The following DLC1 variants were observed in gnomAD, a reference collection of about 807,000 sequenced individuals.
DLC1 encodes the protein DLC1 Rho GTPase activating protein, also known as rho GTPase-activating protein 7.
In DLC1, 54 loss-of-function variants were observed where a neutral mutation model predicts 140.3. The ratio of observed to expected loss-of-function variants is 0.38; its 90% CI spans 0.31 to 0.48. The LOEUF is 0.48. Among genes scored for constraint, DLC1 ranks in the 20% least tolerant of loss-of-function variants. The probability of loss-of-function intolerance (pLI) is 0.96; values close to 1 mark genes in which losing one functional copy is unlikely to be tolerated. For missense variants in DLC1, 2,536 were observed against 1,907.0 expected (o/e 1.33, Z -6.14); for synonymous variants, 986 against 728.1 (o/e 1.35, Z -5.70).
intron 5 of DLC1, among the ~76,000 whole-genome samples, chr8:13,240,133 G>C (rs573062757): frequency 6.6e-6 from 1 of 152,066 alleles, no homozygotes; most frequent in Non-Finnish European, 1.5e-5. Flanking sequence ...GCGTACTGTG[G>C]AAGTTACACC....
At chr8:13,320,785 CAGG>C (rs1361394084) in intron 4 of DLC1, among the ~76,000 whole-genome samples, 1 of 152,166 alleles carries the variant, frequency 6.6e-6, no homozygotes, top group Non-Finnish European at 1.5e-5. Flanking sequence ...GAGTCCAAGG[CAGG>C]AGGATTGCTT....
chr8:13,354,904 G>A (rs1489304520), intron 4 of DLC1, among the ~76,000 whole-genome samples: 3 of 147,756 alleles, frequency 2.0e-5, no homozygotes, highest in South Asian at 2.2e-4. Context: ...GCAGCGGGCC[G>A]AGAATACCAC....
At position 13,138,565 on chromosome 8, in the gene DLC1, A is replaced by G. The variant is rs1223952535; in HGVS notation, c.1349-22908T>C. On this transcript the variant is annotated intron_variant, in intron 5 of 17. Coordinates refer to ENST00000276297, the MANE Select transcript of DLC1 (RefSeq NM_182643.3). ...TTTGTGTTCAATGCAGCATTGCAAA[A>G]TTACAGGGGGGATAATTTTTATTTG... Among the ~76,000 whole-genome samples, 4 of 152,246 alleles carry G rather than the reference A, an allele frequency of 2.6e-5. No homozygotes were observed. The East Asian group carries it at 5.8e-4, about 22-fold the overall frequency.
chr8:13,579,351 A>ATTTT (rs1804976542), intron 1 of DLC1, among the ~76,000 whole-genome samples: 4 of 30,328 alleles, frequency 1.3e-4, no homozygotes, highest in African/African-American at 6.0e-4. Flanking sequence ...ATATATATAT[A>ATTTT]TATATATATA....
intron 5 of DLC1, among the ~76,000 whole-genome samples, chr8:13,224,884 C>T (rs565206539): frequency 6.6e-6 from 1 of 152,220 alleles, no homozygotes; most frequent in Non-Finnish European, 1.5e-5. Flanking sequence ...CCACCAAGGG[C>T]AGAACTAAAA....
chr8:13,510,314 C>T (rs750423860), intron 1 of DLC1, among the ~76,000 whole-genome samples: 1 of 152,006 alleles, frequency 6.6e-6, no homozygotes, highest in African/African-American at 2.4e-5. Context: ...GCTGGGATTA[C>T]AGGTGCCTGC....
At chr8:13,282,639 T>G (rs988391377) in intron 5 of DLC1, among the ~76,000 whole-genome samples, 3 of 152,194 alleles carry the variant, frequency 2.0e-5, no homozygotes, top group African/African-American at 7.2e-5. Context: ...TATATTTTAA[T>G]TCTTTCTTTT....
intron 5 of DLC1, among the ~76,000 whole-genome samples, chr8:13,258,026 C>T (rs1384540087): frequency 2.0e-5 from 3 of 152,222 alleles, no homozygotes; most frequent in East Asian, 1.9e-4. Context: ...TATAAAGTAG[C>T]AAGGAGCCAC....
At chr8:13,450,844 T>C (rs1345106552) in intron 2 of DLC1, among the ~76,000 whole-genome samples, 1 of 151,434 alleles carries the variant, frequency 6.6e-6, no homozygotes, top group East Asian at 1.9e-4. Context: ...ATTGAGACTA[T>C]CCTGGCCAAC....
At chr8:13,339,660 A>C (rs1261630053) in intron 4 of DLC1, 1 of 152,166 alleles carries the variant, frequency 6.6e-6, no homozygotes, top group Non-Finnish European at 1.5e-5. Flanking sequence ...GAACCTCTAA[A>C]ATTGCATGCC....
intron 5 of DLC1, among the ~76,000 whole-genome samples, chr8:13,175,025 C>T (rs1452305352): frequency 8.4e-6 from 1 of 119,336 alleles, no homozygotes; most frequent in Non-Finnish European, 1.8e-5. Flanking sequence ...TTTAATCCAT[C>T]TTCAGTTAAT....
At chr8:13,464,859 C>G (rs1256146998) in intron 2 of DLC1, among the ~76,000 whole-genome samples, 1 of 149,424 alleles carries the variant, frequency 6.7e-6, no homozygotes, top group Non-Finnish European at 1.5e-5. Flanking sequence ...CTTGGAAACT[C>G]ACCCCATTAC....
At chr8:13,096,141 A>G (rs2128933611) in intron 10 of DLC1, 2 of 152,272 alleles carry the variant, frequency 1.3e-5, no homozygotes, top group East Asian at 3.9e-4. Context: ...CAGGAAAAGA[A>G]CCTTGTGTAG....
chr8:13,219,060 T>TTA (rs1259724614), intron 5 of DLC1, among the ~76,000 whole-genome samples: 11 of 72,744 alleles, frequency 1.5e-4, no homozygotes, highest in Non-Finnish European at 2.4e-4. Context: ...ACGAATATAA[T>TTA]TACGTGAATA....
At chr8:13,127,867 G>A (rs900135207) in intron 5 of DLC1, among the ~76,000 whole-genome samples, 1 of 152,226 alleles carries the variant, frequency 6.6e-6, no homozygotes, top group African/African-American at 2.4e-5. Flanking sequence ...AGAACAAAAT[G>A]TGGATGGGAG....
At chr8:13,590,337 C>T (rs1398235285) in intron 1 of DLC1, among the ~76,000 whole-genome samples, 3 of 151,862 alleles carry the variant, frequency 2.0e-5, no homozygotes, top group Non-Finnish European at 4.4e-5. Context: ...AGATATATCA[C>T]CTAGGTTTCA....
intron 2 of DLC1, among the ~76,000 whole-genome samples, chr8:13,492,948 G>T (rs1801329424): frequency 6.6e-6 from 1 of 152,124 alleles, no homozygotes; most frequent in Non-Finnish European, 1.5e-5. Flanking sequence ...GTGGCCCAAT[G>T]AAGCACAAAA....
At chr8:13,527,026 C>G (rs1055545654) in intron 1 of DLC1, among the ~76,000 whole-genome samples, 7 of 152,190 alleles carry the variant, frequency 4.6e-5, no homozygotes. Context: ...ACTTGCAAAG[C>G]TAACTAGTTC....
At chr8:13,493,689 T>A (rs1004204075) in intron 2 of DLC1, among the ~76,000 whole-genome samples, 3 of 152,322 alleles carry the variant, frequency 2.0e-5, no homozygotes, top group Middle Eastern at 6.8e-3. Context: ...TGTAAACTTA[T>A]TTTCTAGAAC....
Sources: gnomAD v4.1 joint callset for allele counts (sites outside exome capture counted in the v4.1 genomes callset) on GRCh38, gnomAD v4.1.1 for gene constraint, MANE v1.5 for transcripts, NCBI Gene and HGNC (gene_info 2026-07-23, HGNC 2026-07-21) for gene names.